Variants in PIK3CG observed in about 807,000 individuals in gnomAD.
PIK3CG encodes phosphatidylinositol 4,5-bisphosphate 3-kinase catalytic subunit gamma isoform.
Under a neutral mutation model 102.3 loss-of-function variants are expected in PIK3CG, and 55 were observed. The ratio of observed to expected loss-of-function variants is 0.54; its 90% CI spans 0.43 to 0.67. The LOEUF is 0.67. Among genes scored for constraint, PIK3CG ranks in the 30% least tolerant of loss-of-function variants. The pLI, the probability that PIK3CG is intolerant of heterozygous loss-of-function variation, is 0.00. For synonymous variants in PIK3CG, 552 were observed against 540.0 expected, an observed-to-expected ratio of 1.02 and a Z score of -0.31; for missense variants, 1,258 against 1,391.8, an observed-to-expected ratio of 0.90 and a Z score of 1.53.
At chr7:106,878,083 A>C (rs925752005) in intron 5 of PIK3CG, among the ~76,000 whole-genome samples, 1 of 152,192 alleles carries the variant, frequency 6.6e-6, no homozygotes, top group Admixed American at 6.5e-5. Context: ...CTGACAATAA[A>C]TTCTTTCAGC....
At position 106,869,769 on chromosome 7, in the gene PIK3CG, A is replaced by G. The variant is rs1369401003; in HGVS notation, c.1995+213A>G. Among the ~76,000 whole-genome samples the G allele has an allele frequency of 6.6e-6, 1 of 152,190 alleles. No individual in the cohort carries two copies. Among genetic ancestry groups the G allele is most frequent in the African/African-American group, 2.4e-5 (1 of 41,452 alleles). On this transcript the variant is annotated intron_variant, in intron 2 of 10. Transcript: ENST00000496166. The surrounding 1 kb of genome is among the most constrained non-coding windows in gnomAD (Gnocchi z 5.3). ...GTTTGCTGACAAGGGTTTTGCAGAC[A>G]TTAGTACTTCACGTTTTTAGGAGAA...
rs1791748661 is a variant in PIK3CG, at chr7:106,908,566, A to G, written c.*3179A>G. 6.6e-6 allele frequency among the ~76,000 whole-genome samples: 1 copy of G among 152,228 alleles called. No individual in the cohort carries two copies. The highest frequency in any genetic ancestry group is 2.4e-5 in the African/African-American group (1 of 41,460). ...GCTTCAGTGACACTTTGATGAAAGT[A>G]TGGAGAAGTGGAGACATTATAGATA... On this transcript the variant is annotated 3_prime_UTR_variant, in exon 11 of 11. Coordinates refer to ENST00000496166, the MANE Select transcript of PIK3CG (RefSeq NM_001282426.2). The surrounding 1 kb of genome is among the most constrained non-coding windows in gnomAD (Gnocchi z 4.1).
Position 106,868,832 on chromosome 7 carries a change from C to T in PIK3CG, c.1271C>T (p.Pro424Leu), listed in dbSNP as rs2116451061. Residue 424 changes from proline to leucine, a missense_variant, in exon 2 of 11, where the codon CCC (proline) becomes CTC (leucine). Pro to Leu is a moderately conservative substitution (Grantham distance 98). Coordinates refer to ENST00000496166, the MANE Select transcript of PIK3CG (RefSeq NM_001282426.2). This position sits in a 1 kb window ranked among gnomAD's most constrained non-coding sequence, Gnocchi z 6.2. ...TTCAGTATCAAAATCAAAGACTTGC[C>T]CAAAGGGGCTCTACTGAACCTCCAG... ...LEFSIKIKDLPKGALLNLQIY... is the reference protein window; with the variant it reads ...LEFSIKIKDLLKGALLNLQIY... The T allele has an allele frequency of 1.2e-6, 2 of 1,614,126 alleles. No homozygotes were observed. Among genetic ancestry groups the T allele is most frequent in the Non-Finnish European group, 1.7e-6 (2 of 1,180,038 alleles).
At position 106,868,983 on chromosome 7, in the gene PIK3CG, C is replaced by G. The variant is rs1343395919; in HGVS notation, c.1422C>G (p.Leu474=). 6.2e-7 allele frequency: 1 copy of G among 1,614,160 alleles called. No individual in the cohort carries two copies. Among genetic ancestry groups the G allele is most frequent in the Non-Finnish European group, 8.5e-7 (1 of 1,180,034 alleles). ...TGCTGCTGATAGACCACCGTTTCCT[C>G]CTGCGCCGTGGAGAATACGTCCTCC... The part of the protein sequence containing the change: ...VNLLLIDHRF[L]LRRGEYVLHM... The change falls in exon 2 of 11, where the codon CTC becomes CTG. Residue 474 remains leucine (L), a synonymous_variant. Transcript: ENST00000496166. This position sits in a 1 kb window ranked among gnomAD's most constrained non-coding sequence, Gnocchi z 6.2.
chr7:106,891,466 A>G lies in PIK3CG; in HGVS notation c.3030+5174A>G, dbSNP rs898004263. Among the ~76,000 whole-genome samples the G allele has an allele frequency of 6.6e-6, 1 of 152,210 alleles. No individual in the cohort carries two copies. Among genetic ancestry groups the G allele is most frequent in the African/African-American group, 2.4e-5 (1 of 41,444 alleles). On this transcript the variant is annotated intron_variant, in intron 10 of 10. Transcript: ENST00000496166. This position sits in a 1 kb window ranked among gnomAD's most constrained non-coding sequence, Gnocchi z 4.4. Reference sequence around the variant, plus strand: ...ATTTCCTTATTGACATAAATCTTACATATTTCTTTCCAGTCAGAGCTGTAC... The same window carrying G: ...ATTTCCTTATTGACATAAATCTTACGTATTTCTTTCCAGTCAGAGCTGTAC...
rs563378472 is a variant in PIK3CG at position 106,895,621 on chromosome 7, C to A, written c.3030+9329C>A. On this transcript the variant is annotated intron_variant, in intron 10 of 10. Coordinates refer to ENST00000496166, the MANE Select transcript of PIK3CG (RefSeq NM_001282426.2). The surrounding 1 kb of genome is among the most constrained non-coding windows in gnomAD (Gnocchi z 5.4). ...TCCCCAACTCCAACCTACCTCACCC[C>A]CTAGGCCTTTACTAAGAGACCTTGT... Among the ~76,000 whole-genome samples, 32 of 152,294 alleles carry A rather than the reference C, an allele frequency of 2.1e-4. No individual in the cohort carries two copies. The highest frequency in any genetic ancestry group is 7.7e-4 in the African/African-American group (32 of 41,568).
At position 106,871,533 on chromosome 7, in the gene PIK3CG, G is replaced by T. The variant is rs7777659; in HGVS notation, c.1996-1004G>T. Among the ~76,000 whole-genome samples, 1,190 of 152,202 alleles carry T rather than the reference G, an allele frequency of 7.8e-3. 19 individuals are homozygous for T. Among genetic ancestry groups the T allele is most frequent in the African/African-American group, 0.027 (1,128 of 41,536 alleles). On this transcript the variant is annotated intron_variant, in intron 2 of 10. Transcript: ENST00000496166. Reference sequence around the variant, plus strand: ...ATAAACTAGAATGTGAATTTCTTCCGTTCCTTAGGAAAAAAGGATACACCA... The same window carrying T: ...ATAAACTAGAATGTGAATTTCTTCCTTTCCTTAGGAAAAAAGGATACACCA...
Position 106,867,760 on chromosome 7 carries a change from G to C in PIK3CG, c.199G>C (p.Val67Leu), listed in dbSNP as rs2116421139. The C allele has an allele frequency of 1.2e-6, 2 of 1,613,030 alleles. No individual in the cohort carries two copies. Among genetic ancestry groups the C allele is most frequent in the Non-Finnish European group, 8.5e-7 (1 of 1,179,926 alleles). ...ALLHVAGHGNVEQMKAQVWLR... is the reference protein window; with the variant it reads ...ALLHVAGHGNLEQMKAQVWLR... ...GCTGCACGTGGCCGGCCACGGCAAC[G>C]TGGAGCAGATGAAGGCCCAGGTGTG... The change falls in exon 2 of 11, where the codon GTG becomes CTG. Residue 67 changes from valine (V) to leucine (L), a missense_variant. Transcript: ENST00000496166. This position sits in a 1 kb window ranked among gnomAD's most constrained non-coding sequence, Gnocchi z 5.1.
Position 106,867,858 on chromosome 7 carries a change from C to G in PIK3CG, c.297C>G (p.Leu99=), listed in dbSNP as rs1222220576. The G allele has an allele frequency of 1.2e-6, 2 of 1,612,868 alleles. No homozygotes were observed. The highest frequency in any genetic ancestry group is 2.2e-5 in the East Asian group (1 of 44,872). The part of the protein sequence containing the change: ...HRLGPHHFLL[L]YQKKGQWYEI... Reference sequence around the variant, plus strand: ...TGGGACCGCATCACTTCCTCCTGCTCTATCAGAAGAAGGGGCAGTGGTACG... The same window carrying G: ...TGGGACCGCATCACTTCCTCCTGCTGTATCAGAAGAAGGGGCAGTGGTACG... Residue 99 remains leucine, a synonymous_variant, in exon 2 of 11, where the codon CTC becomes CTG. Transcript: ENST00000496166. The surrounding 1 kb of genome is among the most constrained non-coding windows in gnomAD (Gnocchi z 5.1).
Position 106,872,427 on chromosome 7 carries a change from C to A in PIK3CG, c.1996-110C>A. 1 of 837,240 alleles carries A rather than the reference C, an allele frequency of 1.2e-6. No individual in the cohort carries two copies. Among genetic ancestry groups the A allele is most frequent in the Non-Finnish European group, 2.0e-6 (1 of 501,000 alleles). The allele number at this position is 837,240 out of a possible 1,614,324, so 51.9% of individuals were successfully genotyped here. ...AGTGACTGTTAAGATTTTCATCTTTCTAGCCGTGAAGACCCAGTAAAGCAG... is the reference window on the plus strand; with the variant it reads ...AGTGACTGTTAAGATTTTCATCTTTATAGCCGTGAAGACCCAGTAAAGCAG... On this transcript the variant is annotated intron_variant, in intron 2 of 10. Transcript: ENST00000496166. This position sits in a 1 kb window ranked among gnomAD's most constrained non-coding sequence, Gnocchi z 5.3.
At position 106,867,451 on chromosome 7, in the gene PIK3CG, C is replaced by A; in HGVS notation, c.-12-99C>A. On this transcript the variant is annotated intron_variant, in intron 1 of 10. Transcript: ENST00000496166. This position sits in a 1 kb window ranked among gnomAD's most constrained non-coding sequence, Gnocchi z 5.1. ...CTTGGTCCCTCTGGGTCCCTGTGCA[C>A]ATGTACGCCGCCTATACCTCCTCTT... is the stretch of plus-strand genomic sequence containing the variant. The A allele has an allele frequency of 9.1e-7, 1 of 1,099,838 alleles. No homozygotes were observed. Among genetic ancestry groups the A allele is most frequent in the Non-Finnish European group, 1.3e-6 (1 of 759,156 alleles). 68.1% of individuals were successfully genotyped at this position (1,099,838 alleles called of 1,614,324 possible). A position where few individuals can be genotyped will look rare whatever the true frequency, so the allele number is the denominator to read the frequency against.
In PIK3CG at chr7:106,879,015, G is replaced by A. The variant is rs906153820; in HGVS notation, c.2392-504G>A. 2.6e-5 allele frequency among the ~76,000 whole-genome samples: 4 copies of A among 152,190 alleles called. No individual in the cohort carries two copies. Among genetic ancestry groups the A allele is most frequent in the South Asian group, 2.1e-4 (1 of 4,832 alleles). ...GATGTATGAGGTTTAGGGGGAGGGC[G>A]TGTTGTACCTAAATGCCAGATTTTC... On this transcript the variant is annotated intron_variant, in intron 5 of 10. Transcript: ENST00000496166. The surrounding 1 kb of genome is among the most constrained non-coding windows in gnomAD (Gnocchi z 4.9).
At chr7:106,887,768 G>A (rs849400) in intron 10 of PIK3CG, among the ~76,000 whole-genome samples, 141,248 of 151,852 alleles carry the variant, frequency 0.93, 65,807 homozygotes, top group East Asian at 1. Flanking sequence ...AAAAAAGAAA[G>A]CCCTGGAAGA....
rs76849038 is a variant in PIK3CG at position 106,884,911 on chromosome 7, G to C, written c.2872+645G>C. 0.051 allele frequency among the ~76,000 whole-genome samples: 7,727 copies of C among 152,130 alleles called. 281 individuals are homozygous for C. The highest frequency in any genetic ancestry group is 0.11 in the Middle Eastern group (31 of 294). ...CCTCAGCTCCACCTCAGATCATCAGGCATTAGATTCTCATAAGGGGTGCAC... is the reference window on the plus strand; with the variant it reads ...CCTCAGCTCCACCTCAGATCATCAGCCATTAGATTCTCATAAGGGGTGCAC... On this transcript the variant is annotated intron_variant, in intron 9 of 10. Coordinates refer to ENST00000496166, the MANE Select transcript of PIK3CG (RefSeq NM_001282426.2). The surrounding 1 kb of genome is among the most constrained non-coding windows in gnomAD (Gnocchi z 4.2).
chr7:106,884,296 T>C lies in PIK3CG; in HGVS notation c.2872+30T>C, dbSNP rs142346615. The C allele has an allele frequency of 2.6e-5, 36 of 1,361,396 alleles. No individual in the cohort carries two copies. The highest frequency in any genetic ancestry group is 3.6e-4 in the Middle Eastern group (2 of 5,550). 84.3% of individuals were successfully genotyped at this position (1,361,396 alleles called of 1,614,324 possible). A position where few individuals can be genotyped will look rare whatever the true frequency, so the allele number is the denominator to read the frequency against. ...GTTTATTTAGTGCAGAATAAACTTT[T>C]ATTGTGGTAAAATATATATAACATA... On this transcript the variant is annotated intron_variant, in intron 9 of 10. Transcript: ENST00000496166. This position sits in a 1 kb window ranked among gnomAD's most constrained non-coding sequence, Gnocchi z 4.2.
Position 106,868,726 on chromosome 7 carries a change from C to T in PIK3CG, c.1165C>T (p.His389Tyr), listed in dbSNP as rs780980041. 5 of 1,614,242 alleles carry T rather than the reference C, an allele frequency of 3.1e-6. No homozygotes were observed. Among genetic ancestry groups the T allele is most frequent in the Non-Finnish European group, 4.2e-6 (5 of 1,180,040 alleles). Residue 389 changes from histidine (H) to tyrosine (Y), a missense_variant, in exon 2 of 11, where the codon CAT becomes TAT. His to Tyr is a moderately conservative substitution (Grantham distance 83). This residue lies in a region of PIK3CG where 832 missense variants were observed against 787.5 expected (regional missense o/e 1.06). Coordinates refer to ENST00000496166, the MANE Select transcript of PIK3CG (RefSeq NM_001282426.2). The surrounding 1 kb of genome is among the most constrained non-coding windows in gnomAD (Gnocchi z 6.2). ...LTVFVEANIQ[H>Y]GQQVLCQRRT... is the part of the protein sequence containing the mutation. ...AGTTTTTGTAGAGGCAAACATCCAG[C>T]ATGGGCAACAAGTCCTTTGCCAAAG...
chr7:106,881,828 C>T (rs887047163), intron 6 of PIK3CG, among the ~76,000 whole-genome samples: 15 of 151,992 alleles, frequency 9.9e-5, no homozygotes, highest in African/African-American at 3.6e-4. Flanking sequence ...CCAGGCTGGG[C>T]GACAGAGCAA....
At chr7:106,875,031 T>C (rs1371831603) in intron 5 of PIK3CG, among the ~76,000 whole-genome samples, 2 of 152,166 alleles carry the variant, frequency 1.3e-5, no homozygotes, top group Non-Finnish European at 2.9e-5. Flanking sequence ...ATTCTTTGTA[T>C]ACAATAAAAA....
intron 5 of PIK3CG, among the ~76,000 whole-genome samples, chr7:106,878,187 C>A (rs1790819764): frequency 6.6e-6 from 1 of 152,102 alleles, no homozygotes; most frequent in South Asian, 2.1e-4. Context: ...TTTTTTCTTG[C>A]AGTAACATTT....
Sources: gnomAD v4.1 joint callset for allele counts (sites outside exome capture counted in the v4.1 genomes callset) on GRCh38, gnomAD v4.1.1 for gene constraint, gnomAD v4.1.1 regional missense constraint, Gnocchi (gnomAD v3.1) non-coding constraint, MANE v1.5 for transcripts, NCBI Gene and HGNC (gene_info 2026-07-23, HGNC 2026-07-21) for gene names.